Variants in POLI observed in about 807,000 individuals in gnomAD.
POLI encodes the protein RAD30 homolog B.
A neutral mutation model predicts 51.6 loss-of-function variants in POLI; 58 were observed. The ratio of observed to expected loss-of-function variants is 1.12; its 90% CI spans 0.91 to 1.40. The LOEUF is 1.40. POLI is among the 40% of genes most tolerant of loss of function. The pLI is 0.00. For missense variants in POLI, 921 were observed against 871.3 expected (o/e 1.06, Z -0.72); for synonymous variants, 322 against 299.7 (o/e 1.07, Z -0.77).
At chr18:54,289,677 A>G (rs1049832404) in intron 8 of POLI, among the ~76,000 whole-genome samples, 1 of 150,632 alleles carries the variant, frequency 6.6e-6, no homozygotes, top group African/African-American at 2.4e-5. Context: ...AACACCACAC[A>G]TCTACAACCA....
intron 8 of POLI, among the ~76,000 whole-genome samples, chr18:54,289,763 C>G (rs1444349858): frequency 6.6e-6 from 1 of 152,124 alleles, no homozygotes; most frequent in Non-Finnish European, 1.5e-5. Flanking sequence ...GCTAGGAAAA[C>G]TGGCTAGCCA....
Position 54,287,393 on chromosome 18 carries a change from A to AT in POLI, c.1182dup (p.Gln395SerfsTer9), listed in dbSNP as rs1250539095. On this transcript the variant is annotated frameshift_variant, in exon 8 of 10. Coordinates refer to ENST00000579534, the MANE Select transcript of POLI (RefSeq NM_007195.3). LOFTEE classifies it high-confidence loss of function. ...TCAGTGCCCTATTCCTTCACATGTAATTCAGAAATTAGGGACAGGTATGGA... is the reference window on the plus strand; with the variant it reads ...TCAGTGCCCTATTCCTTCACATGTAATTTCAGAAATTAGGGACAGGTATGGA... 6.2e-7 allele frequency: 1 copy of AT among 1,608,588 alleles called. No individual in the cohort carries two copies. Among genetic ancestry groups the AT allele is most frequent in the South Asian group, 1.1e-5 (1 of 90,046 alleles).
intron 2 of POLI, among the ~76,000 whole-genome samples, chr18:54,272,996 GTCTAA>G (rs2087072379): frequency 6.6e-6 from 1 of 150,638 alleles, no homozygotes; most frequent in Admixed American, 6.6e-5. Context: ...TAGAAACAAT[GTCTAA>G]TAGAGAAGTG....
chr18:54,284,633 A>G (rs1178619859), intron 7 of POLI: 1 of 152,250 alleles, frequency 6.6e-6, no homozygotes, highest in African/African-American at 2.4e-5. Context: ...TGGAAGAAGC[A>G]GAAGAACCCT....
chr18:54,310,582 A>T (rs1016860535), intron 3 of POLI, among the ~76,000 whole-genome samples: 3 of 151,792 alleles, frequency 2.0e-5, no homozygotes, highest in African/African-American at 7.3e-5. Flanking sequence ...AGAGTGTTAC[A>T]CTTTTGATAC....
At position 54,294,813 on chromosome 18, in the gene POLI, ACAT is replaced by A; in HGVS notation, c.*347_*349del. ...TCGTTGCAATGATATGGTAAAGGAC[ACAT>A]TTTTTTTTTTTTTTTCCTGTGAAAT... On this transcript the variant is annotated 3_prime_UTR_variant, in exon 10 of 10. Transcript: ENST00000579534. 1 of 885,598 alleles carries A rather than the reference ACAT, an allele frequency of 1.1e-6. No homozygotes were observed. Among genetic ancestry groups the A allele is most frequent in the Non-Finnish European group, 1.3e-6 (1 of 755,734 alleles). 54.9% of individuals were successfully genotyped at this position (885,598 alleles called of 1,614,324 possible). A position where few individuals can be genotyped will look rare whatever the true frequency, so the allele number is the denominator to read the frequency against.
At chr18:54,276,994 T>G (rs1283466907) in intron 3 of POLI, among the ~76,000 whole-genome samples, 1 of 152,226 alleles carries the variant, frequency 6.6e-6, no homozygotes, top group Non-Finnish European at 1.5e-5. Flanking sequence ...GATTTTAAAG[T>G]TATTAGTCTC....
intron 3 of POLI, among the ~76,000 whole-genome samples, 186 bp from the exon 4 acceptor site, chr18:54,277,517 C>G (rs879442824): frequency 4.6e-5 from 7 of 151,978 alleles, no homozygotes; most frequent in Non-Finnish European, 8.8e-5. Context: ...AAAATATTGC[C>G]TTTATACAAG....
chr18:54,310,094 C>T lies in POLI; in HGVS notation c.334-10179C>T, dbSNP rs150351847. On this transcript the variant is annotated intron_variant, in intron 3 of 4. Transcript: ENST00000579823. ...TCGGCTTGGCATCCGTGGGCTGCAC[C>T]CACTGTCCAACCAGTCCCAGTGAGA... Among the ~76,000 whole-genome samples, 1,185 of 152,282 alleles carry T rather than the reference C, an allele frequency of 7.8e-3. 10 individuals are homozygous for T. Among genetic ancestry groups the T allele is most frequent in the Non-Finnish European group, 0.013 (891 of 68,030 alleles).
At chr18:54,272,062 G>T (rs2087029207) in intron 2 of POLI, 4 of 152,180 alleles carry the variant, frequency 2.6e-5, no homozygotes, top group African/African-American at 9.7e-5. Context: ...TTTAAATTGA[G>T]AAAGATAAAG....
At position 54,296,341 on chromosome 18, in the gene POLI, G is replaced by A. The variant is rs2088327283; in HGVS notation, c.*1874G>A. 17 of 985,094 alleles carry A rather than the reference G, an allele frequency of 1.7e-5. No homozygotes were observed. Among genetic ancestry groups the A allele is most frequent in the Non-Finnish European group, 2.0e-5 (17 of 829,698 alleles). 61.0% of individuals were successfully genotyped at this position (985,094 alleles called of 1,614,324 possible). On this transcript the variant is annotated 3_prime_UTR_variant, in exon 10 of 10. Transcript: ENST00000579534. ...AATGTACGGGCTATGTCACAGTTACGCTACTTATTTTGTGGTTTTAAGTTA... is the reference window on the plus strand; with the variant it reads ...AATGTACGGGCTATGTCACAGTTACACTACTTATTTTGTGGTTTTAAGTTA...
Position 54,293,677 on chromosome 18 carries a change from T to C in POLI, c.1433T>C (p.Phe478Ser), listed in dbSNP as rs1250751388. 6.3e-7 allele frequency: 1 copy of C among 1,581,996 alleles called. No homozygotes were observed. The highest frequency in any genetic ancestry group is 1.4e-5 in the African/African-American group (1 of 73,052). Residue 478 changes from phenylalanine (F) to serine (S), a missense_variant, in exon 10 of 10, where the codon TTT (phenylalanine) becomes TCT (serine). Phe to Ser is a radical substitution (Grantham distance 155). Coordinates refer to ENST00000579534, the MANE Select transcript of POLI (RefSeq NM_007195.3). ...FKMKDTHMED[F>S]PKDKETNRDF... ...ATGAAAGACACTCATATGGAAGATT[T>C]TCCCAAAGACAAAGAAACAAACCGG...
intron 3 of POLI, among the ~76,000 whole-genome samples, chr18:54,307,398 G>A (rs1294519856): frequency 6.6e-6 from 1 of 152,190 alleles, no homozygotes; most frequent in African/African-American, 2.4e-5. Context: ...GCGGTTTTGA[G>A]TGAGTTTCTT....
At chr18:54,277,230 C>A (rs1249533001) in intron 3 of POLI, among the ~76,000 whole-genome samples, 1 of 152,106 alleles carries the variant, frequency 6.6e-6, no homozygotes, top group Admixed American at 6.6e-5. Context: ...GACTGACTTT[C>A]TGTTTTATTC....
chr18:54,304,158 C>T (rs1161036936), intron 3 of POLI, among the ~76,000 whole-genome samples: 1 of 152,114 alleles, frequency 6.6e-6, no homozygotes, highest in Non-Finnish European at 1.5e-5. Context: ...TCCAGTCTAT[C>T]ATTGATGGAC....
At position 54,287,310 on chromosome 18, in the gene POLI, C is replaced by T. The variant is rs1313207339; in HGVS notation, c.1097C>T (p.Thr366Ile). ...TGCCAAGATGGAAGGAAGCCTCATA[C>T]AGTGAGATTAATAATCCGTCGGTAT... ...RVCQDGRKPHTVRLIIRRYSS... is the reference protein window; with the variant it reads ...RVCQDGRKPHIVRLIIRRYSS... Residue 366 changes from threonine to isoleucine, a missense_variant, in exon 8 of 10, where the codon ACA becomes ATA. Physicochemically the swap from Thr to Ile is moderately conservative, Grantham distance 89. Coordinates refer to ENST00000579534, the MANE Select transcript of POLI (RefSeq NM_007195.3). 1 of 1,584,174 alleles carries T rather than the reference C, an allele frequency of 6.3e-7. No homozygotes were observed. The highest frequency in any genetic ancestry group is 1.1e-5 in the South Asian group (1 of 87,770).
At chr18:54,282,096 AT>A (rs2144518850) in intron 5 of POLI, among the ~76,000 whole-genome samples, 1 of 152,282 alleles carries the variant, frequency 6.6e-6, no homozygotes, top group South Asian at 2.1e-4. Flanking sequence ...GATATGACTT[AT>A]GGATAAATGT....
At chr18:54,315,177 T>A (rs1333267511) in intron 3 of POLI, among the ~76,000 whole-genome samples, 5 of 152,296 alleles carry the variant, frequency 3.3e-5, no homozygotes, top group Middle Eastern at 3.4e-3. Context: ...ATTTTATTAA[T>A]TTCAAAGATT....
chr18:54,290,526 A>G (rs896872959), intron 8 of POLI, among the ~76,000 whole-genome samples: 1 of 152,232 alleles, frequency 6.6e-6, no homozygotes, highest in Non-Finnish European at 1.5e-5. Flanking sequence ...AGACACATGC[A>G]CGCGTATGTT....
Sources: gnomAD v4.1 joint callset for allele counts (sites outside exome capture counted in the v4.1 genomes callset) on GRCh38, gnomAD v4.1.1 for gene constraint, MANE v1.5 for transcripts, NCBI Gene and HGNC (gene_info 2026-07-23, HGNC 2026-07-21) for gene names.